MMRN1: variants seen among roughly 807,000 people sequenced by gnomAD.
The protein encoded by MMRN1 is multimerin-1.
In MMRN1, 94 loss-of-function variants were observed where a neutral mutation model predicts 100.7. The observed-to-expected ratio is 0.93, with a 90% CI of 0.79 to 1.11. The LOEUF (loss-of-function observed/expected upper bound fraction) is 1.11, where lower values mean the gene tolerates loss of function less well. Ranked by LOEUF, MMRN1 falls within the 50% of genes least tolerant of loss-of-function variation. MMRN1 has a pLI of 0.00. For synonymous variants in MMRN1, 575 were observed against 505.0 expected (o/e 1.14, Z -1.86); for missense variants, 1,606 against 1,439.1 (o/e 1.12, Z -1.88).
At chr4:89,897,312 G>T (rs1030713258) in intron 1 of MMRN1, among the ~76,000 whole-genome samples, 3 of 152,048 alleles carry the variant, frequency 2.0e-5, no homozygotes, top group African/African-American at 7.2e-5. Context: ...AGGTTCAAGC[G>T]ATTCTCTTGC....
At chr4:89,899,106 A>G (rs1721301717) in intron 1 of MMRN1, among the ~76,000 whole-genome samples, 1 of 152,056 alleles carries the variant, frequency 6.6e-6, no homozygotes. Context: ...TTGGAATTTT[A>G]TAATAATTCT....
intron 1 of MMRN1, among the ~76,000 whole-genome samples, chr4:89,903,897 G>T: frequency 2.4e-5 from 3 of 127,202 alleles, no homozygotes; most frequent in East Asian, 2.4e-4. Context: ...TTCAGGATTA[G>T]AAAAAAAAAA....
intron 6 of MMRN1, among the ~76,000 whole-genome samples, chr4:89,946,562 G>C (rs888266356): frequency 2.6e-5 from 4 of 152,130 alleles, no homozygotes; most frequent in South Asian, 2.1e-4. Flanking sequence ...TGTTGAATGA[G>C]TTCTGAATGA....
intron 4 of MMRN1, among the ~76,000 whole-genome samples, chr4:89,925,979 A>G (rs1362698827): frequency 2.0e-5 from 3 of 152,176 alleles, no homozygotes; most frequent in Non-Finnish European, 4.4e-5. Context: ...ATGGCTGAAT[A>G]ATACTCCATT....
At chr4:89,940,125 G>A (rs1722775784) in intron 6 of MMRN1, among the ~76,000 whole-genome samples, 1 of 152,100 alleles carries the variant, frequency 6.6e-6, no homozygotes, top group Non-Finnish European at 1.5e-5. Flanking sequence ...GACACCAAGA[G>A]GTTTTTATTT....
intron 2 of MMRN1, among the ~76,000 whole-genome samples, chr4:89,911,286 G>A (rs564234293): frequency 6.6e-6 from 1 of 151,450 alleles, no homozygotes; most frequent in African/African-American, 2.4e-5. Flanking sequence ...GTGTTGAACT[G>A]CTATAGTTTC....
chr4:89,929,764 T>A (rs1332888003), intron 5 of MMRN1, among the ~76,000 whole-genome samples: 2 of 152,150 alleles, frequency 1.3e-5, no homozygotes, highest in Non-Finnish European at 2.9e-5. Context: ...AGAGGGCTTG[T>A]AGTTAATGAA....
intron 1 of MMRN1, among the ~76,000 whole-genome samples, chr4:89,885,321 G>A (rs558952304): frequency 6.6e-6 from 1 of 152,094 alleles, no homozygotes; most frequent in South Asian, 2.1e-4. Context: ...TTTACACAAT[G>A]CTATCATTTT....
chr4:89,924,278 T>C (rs1048964559), intron 4 of MMRN1, among the ~76,000 whole-genome samples: 1 of 151,822 alleles, frequency 6.6e-6, no homozygotes, highest in Non-Finnish European at 1.5e-5. Flanking sequence ...TTGTTTCTTT[T>C]TGAGAGTGTA....
chr4:89,923,563 C>T (rs1047764818), intron 4 of MMRN1, among the ~76,000 whole-genome samples: 3 of 152,198 alleles, frequency 2.0e-5, no homozygotes, highest in Non-Finnish European at 1.5e-5. Context: ...TAAGACCAAA[C>T]TTTTGTTCTC....
intron 3 of MMRN1, among the ~76,000 whole-genome samples, chr4:89,918,903 T>C (rs1397690980): frequency 2.6e-5 from 4 of 151,836 alleles, no homozygotes; most frequent in Non-Finnish European, 5.9e-5. Flanking sequence ...TCTAATTTAC[T>C]GAGATTTAAA....
intron 7 of MMRN1, among the ~76,000 whole-genome samples, chr4:89,952,640 C>T (rs911985585): frequency 6.6e-6 from 1 of 152,160 alleles, no homozygotes; most frequent in African/African-American, 2.4e-5. Context: ...GGCTTTAAAA[C>T]ATTCTGACAT....
At chr4:89,920,013 A>T (rs145738154) in intron 3 of MMRN1, among the ~76,000 whole-genome samples, 258 of 152,244 alleles carry the variant, frequency 1.7e-3, no homozygotes, top group Middle Eastern at 6.8e-3. Context: ...GTCCAACAAA[A>T]TGCTAATTCT....
chr4:89,935,477 C>A lies in MMRN1; in HGVS notation c.1797C>A (p.Cys599Ter). Residue 599 changes from cysteine (C) to a stop codon, truncating the protein, a stop_gained, in exon 6 of 8, where the codon TGC (cysteine) becomes TGA (stop). Transcript: ENST00000264790. LOFTEE classifies it high-confidence loss of function. ...RGECEDMLSK[C>*]RNDFKFQLKD... The stretch of plus-strand genomic sequence containing the variant: ...AATGTGAAGACATGTTATCCAAATG[C>A]AGAAATGATTTTAAATTTCAACTTA... 4 of 1,613,460 alleles carry A rather than the reference C, an allele frequency of 2.5e-6. No individual in the cohort carries two copies. The highest frequency in any genetic ancestry group is 3.4e-6 in the Non-Finnish European group (4 of 1,179,744).
At chr4:89,923,046 C>T in intron 3 of MMRN1, 122 bp from the exon 4 acceptor site, 1 of 771,644 alleles carries the variant, frequency 1.3e-6, no homozygotes, top group Non-Finnish European at 2.2e-6. Flanking sequence ...CTGCAATCAT[C>T]CCCGACCATC....
At chr4:89,923,386 A>G (rs1722151629) in intron 4 of MMRN1, 114 bp downstream of exon 4, 3 of 949,834 alleles carry the variant, frequency 3.2e-6, no homozygotes, top group African/African-American at 1.6e-5. Flanking sequence ...ACACATTAGC[A>G]TACTTCTCAG....
intron 2 of MMRN1, among the ~76,000 whole-genome samples, chr4:89,910,997 G>A (rs1343448602): frequency 6.6e-6 from 1 of 151,332 alleles, no homozygotes; most frequent in East Asian, 1.9e-4. Context: ...TAAAATCACA[G>A]CTCTACCCCT....
chr4:89,911,173 T>A (rs1721737092), intron 2 of MMRN1, among the ~76,000 whole-genome samples: 1 of 151,438 alleles, frequency 6.6e-6, no homozygotes, highest in African/African-American at 2.4e-5. Context: ...AACTAAATAT[T>A]AAAGTCACAT....
chr4:89,913,958 T>C (rs1353387996), intron 3 of MMRN1, among the ~76,000 whole-genome samples: 1 of 151,434 alleles, frequency 6.6e-6, no homozygotes, highest in African/African-American at 2.4e-5. Context: ...AATAGCCTCC[T>C]GTTGCTCTCT....
Sources: gnomAD v4.1 joint callset for allele counts (sites outside exome capture counted in the v4.1 genomes callset) on GRCh38, gnomAD v4.1.1 for gene constraint, MANE v1.5 for transcripts, NCBI Gene and HGNC (gene_info 2026-07-23, HGNC 2026-07-21) for gene names.